MYL11: variants seen among roughly 807,000 people sequenced by gnomAD.
The protein encoded by MYL11 is myosin light chain 11.
At chr16:30,377,276 C>G in the MYL11 span, among the ~76,000 whole-genome samples, 1 of 151,712 alleles carries the variant, frequency 6.6e-6, no homozygotes, top group Non-Finnish European at 1.5e-5. Flanking sequence ...CCAGCTACTC[C>G]GGAGGCTGAG....
At chr16:30,377,649 T>C in the MYL11 span, 2 of 1,507,750 alleles carry the variant, frequency 1.3e-6, no homozygotes, top group Non-Finnish European at 1.8e-6. Context: ...GTCACCTCTC[T>C]CCAGCCTGGA....
chr16:30,376,759 T>C, the MYL11 span: 2 of 1,503,892 alleles, frequency 1.3e-6, no homozygotes, highest in Non-Finnish European at 9.1e-7. Flanking sequence ...GCTCCCACAC[T>C]GACAGCCTCC....
the MYL11 span, chr16:30,377,581 G>A: frequency 2.9e-6 from 4 of 1,368,582 alleles, no homozygotes; most frequent in South Asian, 1.9e-5. Context: ...GGCTGGCATC[G>A]GGGATGAGGT....
chr16:30,376,118 A>G, the MYL11 span: 2 of 1,608,818 alleles, frequency 1.2e-6, no homozygotes, highest in Admixed American at 3.4e-5. Context: ...TGGGGGACCT[A>G]ACCCTCCCCA....
the MYL11 span, chr16:30,377,905 AC>A: frequency 1.3e-6 from 2 of 1,599,898 alleles, no homozygotes; most frequent in Non-Finnish European, 1.7e-6. Context: ...GAGTAGGGGC[AC>A]CCGCGGGCCT....
At chr16:30,373,466 C>T in the MYL11 span, among the ~76,000 whole-genome samples, 3 of 152,180 alleles carry the variant, frequency 2.0e-5, no homozygotes, top group East Asian at 1.9e-4. Context: ...CGTGGTGACA[C>T]GCGCCTGTAG....
the MYL11 span, among the ~76,000 whole-genome samples, chr16:30,375,512 A>AATGAGTG: frequency 6.6e-6 from 1 of 152,010 alleles, no homozygotes; most frequent in Non-Finnish European, 1.5e-5. Flanking sequence ...AAACAGGGCA[A>AATGAGTG]ATGAGTGGCT....
chr16:30,373,837 C>A, the MYL11 span, among the ~76,000 whole-genome samples: 1 of 151,904 alleles, frequency 6.6e-6, no homozygotes, highest in Non-Finnish European at 1.5e-5. Context: ...CCACCTGATC[C>A]CTCAGCTTCC....
chr16:30,375,885 C>T, the MYL11 span: 2 of 1,614,086 alleles, frequency 1.2e-6, no homozygotes, highest in Non-Finnish European at 1.7e-6. Flanking sequence ...CCATGTTCGA[C>T]CAGACTCAGA....
At chr16:30,376,294 C>T in the MYL11 span, 1 of 1,569,134 alleles carries the variant, frequency 6.4e-7, no homozygotes, top group South Asian at 1.1e-5. Context: ...TGGGTTCCAG[C>T]CCTGTCAGCT....
the MYL11 span, chr16:30,377,573 C>A: frequency 7.4e-7 from 1 of 1,354,874 alleles, no homozygotes; most frequent in Non-Finnish European, 9.7e-7. Context: ...GAGGCTGGGG[C>A]TGGCATCGGG....
At chr16:30,376,467 G>A in the MYL11 span, 1 of 1,614,118 alleles carries the variant, frequency 6.2e-7, no homozygotes, top group Non-Finnish European at 8.5e-7. Flanking sequence ...CATGATGAAG[G>A]AAGCCAGCGG....
chr16:30,372,408 C>T, the MYL11 span: 1 of 152,340 alleles, frequency 6.6e-6, no homozygotes, highest in Non-Finnish European at 1.5e-5. Flanking sequence ...GGGGAGGCAT[C>T]TTCCTCAGGA....
At chr16:30,373,439 C>CA in the MYL11 span, among the ~76,000 whole-genome samples, 4 of 152,158 alleles carry the variant, frequency 2.6e-5, no homozygotes, top group East Asian at 3.9e-4. Flanking sequence ...ACTAAAAATA[C>CA]AAAAAAATTA....
chr16:30,376,504 C>T, the MYL11 span: 1 of 1,614,114 alleles, frequency 6.2e-7, no homozygotes, highest in Non-Finnish European at 8.5e-7. Context: ...GTCTTCCTGA[C>T]CATGTTCGGG....
the MYL11 span, chr16:30,376,359 G>C: frequency 6.4e-7 from 1 of 1,561,938 alleles, no homozygotes; most frequent in South Asian, 1.2e-5. Flanking sequence ...AGCTGAATTA[G>C]TGGGAAGCGC....
At chr16:30,377,305 C>T in the MYL11 span, among the ~76,000 whole-genome samples, 1 of 152,062 alleles carries the variant, frequency 6.6e-6, no homozygotes, top group Non-Finnish European at 1.5e-5. Flanking sequence ...ATCCCTTGAG[C>T]CCAAGAGTTC....
chr16:30,377,791 C>T, the MYL11 span: 1 of 1,613,766 alleles, frequency 6.2e-7, no homozygotes, highest in Non-Finnish European at 8.5e-7. Context: ...TACGTCTTTC[C>T]CCAGATCAAG....
the MYL11 span, chr16:30,372,189 T>C: frequency 6.6e-6 from 1 of 152,628 alleles, no homozygotes; most frequent in Non-Finnish European, 1.5e-5. Context: ...GGCTCCTCCC[T>C]GGCCTGGACC....
Sources: allele counts gnomAD v4.1 joint callset (sites outside exome capture counted in the v4.1 genomes callset), GRCh38; gene constraint gnomAD v4.1.1; transcripts MANE v1.5; gene names NCBI Gene and HGNC (gene_info 2026-07-23, HGNC 2026-07-21).